Variants in CADPS2 observed in about 807,000 individuals in gnomAD.
The protein encoded by CADPS2 is calcium dependent secretion activator 2, also known as calcium-dependent secretion activator 2.
CADPS2 carries 93 observed loss-of-function variants against 172.5 expected under a neutral mutation model. The ratio of observed to expected loss-of-function variants is 0.54; its 90% CI spans 0.46 to 0.64. CADPS2 has a LOEUF of 0.64. Among genes scored for constraint, CADPS2 ranks in the 30% least tolerant of loss-of-function variants. The pLI, the probability that CADPS2 is intolerant of heterozygous loss-of-function variation, is 0.00. For synonymous variants in CADPS2, 546 were observed against 555.2 expected (o/e 0.98, Z 0.23); for missense variants, 1,420 against 1,565.9 (o/e 0.91, Z 1.57).
At chr7:122,701,941 T>C in intron 2 of CADPS2, 1 of 1,613,664 alleles carries the variant, frequency 6.2e-7, no homozygotes, top group Non-Finnish European at 8.5e-7. Flanking sequence ...AAATGCGTAC[T>C]ACATCTTGGG....
chr7:122,753,316 A>ACTAC, intron 1 of CADPS2, among the ~76,000 whole-genome samples: 1 of 152,308 alleles, frequency 6.6e-6, no homozygotes, highest in Admixed American at 6.5e-5. Flanking sequence ...CTTCTCTATG[A>ACTAC]CTACATTCAC....
chr7:122,752,353 T>G (rs1174583805), intron 1 of CADPS2, among the ~76,000 whole-genome samples: 2 of 152,192 alleles, frequency 1.3e-5, no homozygotes, highest in African/African-American at 4.8e-5. Flanking sequence ...TCTCATACTT[T>G]CTGGAAGAGC....
chr7:122,379,282 C>T, intron 25 of CADPS2, 86 bp downstream of exon 25: 1 of 824,820 alleles, frequency 1.2e-6, no homozygotes, highest in Non-Finnish European at 1.8e-6. Context: ...TACATTTTTT[C>T]TCAATTAGAT....
chr7:122,451,066 G>A (rs867343502), intron 15 of CADPS2, among the ~76,000 whole-genome samples: 28 of 152,290 alleles, frequency 1.8e-4, no homozygotes, highest in African/African-American at 6.5e-4. Context: ...AATACAGAGA[G>A]CAGGAGGAAC....
chr7:122,750,652 T>C lies in CADPS2; in HGVS notation c.340-13584A>G, dbSNP rs539235185. On this transcript the variant is annotated intron_variant, in intron 1 of 29. Transcript: ENST00000449022. ...GCAATACTAAAACCAGACAAATAGA[T>C]GACACTAAGAGACATGTGTGATCAT... Among the ~76,000 whole-genome samples, 3 of 152,116 alleles carry C rather than the reference T, an allele frequency of 2.0e-5. No individual in the cohort carries two copies. The East Asian group carries it at 5.8e-4, about 29-fold the overall frequency.
chr7:122,659,724 T>C lies in CADPS2; in HGVS notation c.786+3513A>G, dbSNP rs74535115. On this transcript the variant is annotated intron_variant, in intron 3 of 29. Coordinates refer to ENST00000449022, the MANE Select transcript of CADPS2 (RefSeq NM_017954.11). ...ACAGCATATTCGAATTGCAGAAAAA[T>C]GAAAGAAGGAAAAACTCTTGAAGGA... 6.2e-3 allele frequency among the ~76,000 whole-genome samples: 928 copies of C among 150,384 alleles called. 7 individuals are homozygous for C. Among genetic ancestry groups the C allele is most frequent in the African/African-American group, 0.022 (880 of 40,830 alleles).
rs982696935 is a variant in CADPS2, at chr7:122,398,810, T to A, written c.2747-5228A>T. On this transcript the variant is annotated intron_variant, in intron 20 of 29. Transcript: ENST00000449022. The stretch of plus-strand genomic sequence containing the variant: ...CACCCCTTCCTCCCTCCCTGAGATT[T>A]AGGAATAGCACCCAGCCAAGAATCT... Among the ~76,000 whole-genome samples the A allele has an allele frequency of 2.7e-5, 4 of 145,906 alleles. No individual in the cohort carries two copies. In the East Asian group the frequency reaches 6.4e-4, roughly 24 times the overall value.
chr7:122,589,347 AAAT>A (rs2070346845), intron 6 of CADPS2, among the ~76,000 whole-genome samples: 1 of 152,016 alleles, frequency 6.6e-6, no homozygotes, highest in South Asian at 2.1e-4. Flanking sequence ...AATGGAAATT[AAAT>A]AATAAAACAC....
chr7:122,869,451 A>T (rs1236692753), intron 1 of CADPS2, among the ~76,000 whole-genome samples: 1 of 152,080 alleles, frequency 6.6e-6, no homozygotes, highest in African/African-American at 2.4e-5. Context: ...AAGAAAAATA[A>T]CAAAACTGCC....
Position 122,443,987 on chromosome 7 carries a change from C to T in CADPS2, c.2289-2412G>A, listed in dbSNP as rs77860688. Among the ~76,000 whole-genome samples the T allele has an allele frequency of 4.3e-3, 651 of 152,152 alleles. 5 individuals are homozygous for T. The highest frequency in any genetic ancestry group is 6.7e-3 in the Admixed American group (102 of 15,268). On this transcript the variant is annotated intron_variant, in intron 15 of 29. Transcript: ENST00000449022. ...AACTCATGGCCTGCAAGTCTTCCCCCCAGATCACAGGCAACTACTCATTTC... is the reference window on the plus strand; with the variant it reads ...AACTCATGGCCTGCAAGTCTTCCCCTCAGATCACAGGCAACTACTCATTTC...
intron 9 of CADPS2, among the ~76,000 whole-genome samples, chr7:122,502,368 TATA>T (rs1312504122): frequency 6.6e-6 from 1 of 152,098 alleles, no homozygotes; most frequent in Non-Finnish European, 1.5e-5. Flanking sequence ...TTAACTTATT[TATA>T]ATAAGAACTA....
intron 3 of CADPS2, among the ~76,000 whole-genome samples, chr7:122,656,402 C>A (rs930613514): frequency 3.9e-5 from 6 of 152,120 alleles, no homozygotes; most frequent in Non-Finnish European, 5.9e-5. Context: ...CACTCCAGCC[C>A]TCTTGACTCA....
chr7:122,701,936 C>A (rs377391654), intron 2 of CADPS2: 7 of 1,613,496 alleles, frequency 4.3e-6, no homozygotes, highest in Non-Finnish European at 5.9e-6. Flanking sequence ...AGTTAAAATG[C>A]GTACTACATC....
At chr7:122,429,623 C>G (rs1044255696) in intron 17 of CADPS2, among the ~76,000 whole-genome samples, 1 of 152,006 alleles carries the variant, frequency 6.6e-6, no homozygotes, top group Non-Finnish European at 1.5e-5. Context: ...ATTACCTGTT[C>G]AATTCTTTTT....
At chr7:122,599,878 T>C (rs1025646108) in intron 6 of CADPS2, among the ~76,000 whole-genome samples, 5 of 152,070 alleles carry the variant, frequency 3.3e-5, no homozygotes, top group African/African-American at 1.2e-4. Context: ...CCTTTTCTGT[T>C]TATCATCTCA....
intron 1 of CADPS2, among the ~76,000 whole-genome samples, chr7:122,772,200 G>T (rs1273496839): frequency 6.6e-6 from 1 of 152,066 alleles, no homozygotes; most frequent in Non-Finnish European, 1.5e-5. Flanking sequence ...ATCCACATTT[G>T]GTGATTACAC....
At chr7:122,810,683 T>G (rs1008688464) in intron 1 of CADPS2, among the ~76,000 whole-genome samples, 1 of 152,164 alleles carries the variant, frequency 6.6e-6, no homozygotes. Context: ...ATTTGCTTTT[T>G]TAGCTCAAGT....
intron 9 of CADPS2, among the ~76,000 whole-genome samples, chr7:122,507,474 C>T (rs1282307421): frequency 2.0e-5 from 3 of 152,158 alleles, no homozygotes; most frequent in Admixed American, 2.0e-4. Context: ...TAAACTCCTA[C>T]TCTTGGCACT....
In CADPS2 at chr7:122,711,555, CAA is replaced by C. The variant is rs2088726029; in HGVS notation, c.453+25398_453+25399del. 2.6e-5 allele frequency among the ~76,000 whole-genome samples: 4 copies of C among 152,232 alleles called. No individual in the cohort carries two copies. In the South Asian group the frequency reaches 8.3e-4, roughly 32 times the overall value. On this transcript the variant is annotated intron_variant, in intron 2 of 29. Transcript: ENST00000449022. ...TCCAGAATGCCTTCTATTTCTACCC[CAA>C]GTGACAGTTGAATCCTGCAGTCCCC...
Sources: allele counts gnomAD v4.1 joint callset (sites outside exome capture counted in the v4.1 genomes callset), GRCh38; gene constraint gnomAD v4.1.1; transcripts MANE v1.5; gene names NCBI Gene and HGNC (gene_info 2026-07-23, HGNC 2026-07-21).